AOPEP: variants seen among roughly 807,000 people sequenced by gnomAD.
AOPEP encodes the protein aminopeptidase O (putative).
AOPEP carries 77 observed loss-of-function variants against 98.1 expected under a neutral mutation model. The observed-to-expected ratio is 0.78, with a 90% CI of 0.65 to 0.95. The LOEUF is 0.95. AOPEP is among the 40% of genes least tolerant of loss of function. AOPEP has a pLI of 0.00. For missense variants in AOPEP, 1,024 were observed against 1,024.7 expected (o/e 1.00, Z 0.01); for synonymous variants, 346 against 365.3 (o/e 0.95, Z 0.60).
chr9:95,113,567 G>A, the AOPEP span: 1 of 151,958 alleles, frequency 6.6e-6, no homozygotes, highest in East Asian at 1.9e-4. Flanking sequence ...GCCAAGGCAG[G>A]AGGATTACTT....
At chr9:94,922,318 G>A (rs914594253) in intron 5 of AOPEP, among the ~76,000 whole-genome samples, 3 of 152,126 alleles carry the variant, frequency 2.0e-5, no homozygotes, top group Non-Finnish European at 4.4e-5. Context: ...GCTGGAGTCC[G>A]CCCTCCAGTC....
At chr9:95,132,109 C>G in the AOPEP span, among the ~76,000 whole-genome samples, 2 of 152,188 alleles carry the variant, frequency 1.3e-5, no homozygotes, top group African/African-American at 4.8e-5. Flanking sequence ...CTTTTGGGGA[C>G]AAGTCTGCCT....
At chr9:95,097,727 C>A in the AOPEP span, among the ~76,000 whole-genome samples, 1 of 152,082 alleles carries the variant, frequency 6.6e-6, no homozygotes. Flanking sequence ...ATGACAGGAG[C>A]GGGAGGGAAG....
chr9:95,090,105 C>T (rs962711154), downstream of AOPEP, among the ~76,000 whole-genome samples: 1 of 152,226 alleles, frequency 6.6e-6, no homozygotes, highest in Non-Finnish European at 1.5e-5. Flanking sequence ...TGAAGGGCCA[C>T]TGAGGGGCTG....
At chr9:95,027,255 G>A (rs1031526821) in intron 13 of AOPEP, among the ~76,000 whole-genome samples, 2 of 152,112 alleles carry the variant, frequency 1.3e-5, no homozygotes, top group Non-Finnish European at 2.9e-5. Context: ...GAGCCAGAGT[G>A]AGACCCTGTC....
chr9:94,808,495 C>T (rs1849758312), intron 5 of AOPEP, among the ~76,000 whole-genome samples: 1 of 152,164 alleles, frequency 6.6e-6, no homozygotes, highest in South Asian at 2.1e-4. Flanking sequence ...TGATTTAACC[C>T]CAGAGTGGAG....
chr9:94,801,811 C>G (rs778368751), intron 5 of AOPEP, among the ~76,000 whole-genome samples: 7 of 152,194 alleles, frequency 4.6e-5, no homozygotes, highest in African/African-American at 7.2e-5. Flanking sequence ...CTCATCAAAA[C>G]ATGTGACTTC....
chr9:95,087,636 G>A (rs577400217), downstream of AOPEP, among the ~76,000 whole-genome samples: 5 of 152,186 alleles, frequency 3.3e-5, no homozygotes, highest in East Asian at 3.9e-4. Context: ...TTGGCTGCGC[G>A]TGGGGCACCC....
intron 5 of AOPEP, among the ~76,000 whole-genome samples, chr9:94,838,535 C>T (rs138856810): frequency 2.6e-5 from 4 of 152,302 alleles, no homozygotes; most frequent in African/African-American, 9.6e-5. Flanking sequence ...ATTCCTCCAA[C>T]TTTATTGTTC....
intron 5 of AOPEP, among the ~76,000 whole-genome samples, chr9:94,838,909 C>CTTT (rs35849023): frequency 0.023 from 2,244 of 99,720 alleles, 98 homozygotes; most frequent in African/African-American, 0.034. Context: ...AAATGCTATT[C>CTTT]TTTTTTTTTT....
rs2063936490 is a variant in AOPEP, at chr9:95,027,501, C to CT, written c.2115+21893dup. Reference sequence around the variant, plus strand: ...AGTGATGTTTTTGGTATTTTGAATTCTTTTTTTTAGTTCTGTTACTCAAAC... The same window carrying CT: ...AGTGATGTTTTTGGTATTTTGAATTCTTTTTTTTTAGTTCTGTTACTCAAAC... On this transcript the variant is annotated intron_variant, in intron 13 of 16. Transcript: ENST00000375315. Among the ~76,000 whole-genome samples, 6 of 151,764 alleles carry CT rather than the reference C, an allele frequency of 4.0e-5. No homozygotes were observed. The South Asian group carries it at 1.3e-3, about 32-fold the overall frequency.
At chr9:94,970,705 A>G (rs2059484344) in intron 10 of AOPEP, among the ~76,000 whole-genome samples, 1 of 149,816 alleles carries the variant, frequency 6.7e-6, no homozygotes, top group South Asian at 2.1e-4. Context: ...GCTGTCTTGA[A>G]AAAAAAAAAA....
chr9:94,735,918 T>C (rs1296341353), intron 1 of AOPEP, among the ~76,000 whole-genome samples: 1 of 152,224 alleles, frequency 6.6e-6, no homozygotes, highest in Non-Finnish European at 1.5e-5. Flanking sequence ...TCATAGAATA[T>C]GTGGCCCTTC....
chr9:95,035,447 C>T (rs762627380), intron 13 of AOPEP, among the ~76,000 whole-genome samples: 1 of 149,970 alleles, frequency 6.7e-6, no homozygotes, highest in Non-Finnish European at 1.5e-5. Flanking sequence ...TAAGGAATTT[C>T]CTTTGTATTA....
intron 7 of AOPEP, among the ~76,000 whole-genome samples, chr9:94,929,504 C>T (rs2054941207): frequency 6.6e-6 from 1 of 152,282 alleles, no homozygotes; most frequent in African/African-American, 2.4e-5. Flanking sequence ...CTTCCCACAG[C>T]AAAGTTCCCT....
chr9:95,069,809 T>A (rs1364051914), intron 14 of AOPEP, among the ~76,000 whole-genome samples: 2 of 152,234 alleles, frequency 1.3e-5, no homozygotes, highest in Non-Finnish European at 2.9e-5. Flanking sequence ...TTGCTGCTGC[T>A]TTAGCTCTAA....
intron 13 of AOPEP, among the ~76,000 whole-genome samples, chr9:95,035,973 G>T (rs911707858): frequency 6.6e-6 from 1 of 152,148 alleles, no homozygotes; most frequent in African/African-American, 2.4e-5. Context: ...AGGTCTGAGG[G>T]TGGTGACTGT....
At chr9:95,025,703 GTAAGGTTT>G (rs1200422063) in intron 13 of AOPEP, among the ~76,000 whole-genome samples, 1 of 152,230 alleles carries the variant, frequency 6.6e-6, no homozygotes, top group African/African-American at 2.4e-5. Context: ...AGTGACTTGT[GTAAGGTTT>G]TAGGTTACAT....
the AOPEP span, chr9:95,135,314 G>C: frequency 5.0e-6 from 8 of 1,608,590 alleles, no homozygotes; most frequent in African/African-American, 1.3e-5. Context: ...CTCCTTCAAG[G>C]ATTTTTCCCT....
Sources: gnomAD v4.1 joint callset for allele counts (sites outside exome capture counted in the v4.1 genomes callset) on GRCh38, gnomAD v4.1.1 for gene constraint, MANE v1.5 for transcripts, NCBI Gene and HGNC (gene_info 2026-07-23, HGNC 2026-07-21) for gene names.